NCOA1: variants seen among roughly 807,000 people sequenced by gnomAD.
NCOA1 encodes Hin-2 protein.
A neutral mutation model predicts 150.9 loss-of-function variants in NCOA1; 35 were observed. That is an observed-to-expected ratio of 0.23 (90% confidence interval 0.18 to 0.31). The LOEUF is 0.31. NCOA1 is among the 10% of genes least tolerant of loss of function. NCOA1 has a pLI of 1.00. For missense variants in NCOA1, 1,491 were observed against 1,749.3 expected (o/e 0.85, Z 2.63); for synonymous variants, 590 against 630.0 (o/e 0.94, Z 0.95).
chr2:24,765,174 C>CT (rs1268334838), intron 22 of NCOA1, among the ~76,000 whole-genome samples: 2 of 142,310 alleles, frequency 1.4e-5, no homozygotes, highest in African/African-American at 5.0e-5. Flanking sequence ...GATACTTCGA[C>CT]TCAAAAAAAA....
At chr2:24,582,109 C>T (rs775382648) in intron 2 of NCOA1, among the ~76,000 whole-genome samples, 4 of 152,040 alleles carry the variant, frequency 2.6e-5, no homozygotes, top group Admixed American at 2.6e-4. Context: ...TTAGCCAGAG[C>T]AAATAGGCAA....
intron 3 of NCOA1, among the ~76,000 whole-genome samples, chr2:24,613,205 T>C (rs2120002): frequency 0.42 from 64,269 of 151,968 alleles, 14,991 homozygotes; most frequent in Admixed American, 0.59. Context: ...GATTTTATAT[T>C]GGGCTGTAGG....
At chr2:24,517,333 A>T (rs1323187689) in intron 1 of NCOA1, among the ~76,000 whole-genome samples, 1 of 151,174 alleles carries the variant, frequency 6.6e-6, no homozygotes, top group Non-Finnish European at 1.5e-5. Flanking sequence ...TTCTGTTTGC[A>T]CACCACCACC....
chr2:24,510,541 C>T (rs983751893), intron 1 of NCOA1, among the ~76,000 whole-genome samples: 5 of 151,954 alleles, frequency 3.3e-5, no homozygotes, highest in African/African-American at 1.2e-4. Flanking sequence ...TGGGTTCTCC[C>T]TGTGTTGCCC....
At chr2:24,524,756 C>T (rs926393233) in intron 1 of NCOA1, among the ~76,000 whole-genome samples, 2 of 152,122 alleles carry the variant, frequency 1.3e-5, no homozygotes, top group African/African-American at 4.8e-5. Context: ...TACACGTACC[C>T]ACCACAATGC....
At chr2:24,716,135 C>G in intron 14 of NCOA1, among the ~76,000 whole-genome samples, 1 of 117,892 alleles carries the variant, frequency 8.5e-6, no homozygotes, top group Non-Finnish European at 1.7e-5. Context: ...CAGAGTGAGA[C>G]TCCGTCTCAA....
intron 3 of NCOA1, among the ~76,000 whole-genome samples, chr2:24,638,045 A>G (rs1670017557): frequency 6.6e-6 from 1 of 152,078 alleles, no homozygotes; most frequent in South Asian, 2.1e-4. Context: ...GTGGTATAGA[A>G]CACTAGGACT....
At chr2:24,679,459 TTCTGGCAGG>T (rs1297780559) in intron 7 of NCOA1, among the ~76,000 whole-genome samples, 1 of 152,206 alleles carries the variant, frequency 6.6e-6, no homozygotes, top group Non-Finnish European at 1.5e-5. Context: ...GAGGGTGGAA[TTCTGGCAGG>T]TCTTCCACTA....
intron 3 of NCOA1, among the ~76,000 whole-genome samples, chr2:24,615,705 C>T (rs1668844636): frequency 2.0e-5 from 3 of 152,114 alleles, no homozygotes; most frequent in Admixed American, 1.3e-4. Context: ...GTTAACTTAT[C>T]TATATAATCA....
chr2:24,586,756 C>T (rs1667429051), intron 3 of NCOA1, among the ~76,000 whole-genome samples: 1 of 152,232 alleles, frequency 6.6e-6, no homozygotes, highest in African/African-American at 2.4e-5. Context: ...GCCTGGCCAG[C>T]TTGCTATACT....
intron 1 of NCOA1, among the ~76,000 whole-genome samples, chr2:24,555,378 G>A (rs1666029589): frequency 6.6e-6 from 1 of 152,166 alleles, no homozygotes; most frequent in Non-Finnish European, 1.5e-5. Context: ...TTACGGGCCA[G>A]AATACGGTCC....
At chr2:24,593,775 T>C (rs1375320778) in intron 3 of NCOA1, among the ~76,000 whole-genome samples, 1 of 152,176 alleles carries the variant, frequency 6.6e-6, no homozygotes, top group Non-Finnish European at 1.5e-5. Flanking sequence ...CCTGTTGTCA[T>C]GCGTACAGGT....
At chr2:24,676,797 A>G (rs2148527169) in intron 7 of NCOA1, among the ~76,000 whole-genome samples, 1 of 152,332 alleles carries the variant, frequency 6.6e-6, no homozygotes, top group African/African-American at 2.4e-5. Flanking sequence ...CTGATCTGAT[A>G]AAACTGAAAA....
intron 3 of NCOA1, among the ~76,000 whole-genome samples, chr2:24,607,390 G>A (rs545571415): frequency 1.9e-4 from 28 of 146,912 alleles, no homozygotes; most frequent in Non-Finnish European, 3.0e-4. Context: ...TTGCATCTAT[G>A]ATCAAGAGTG....
chr2:24,519,199 A>T (rs1037698407), intron 1 of NCOA1, among the ~76,000 whole-genome samples: 4 of 152,248 alleles, frequency 2.6e-5, no homozygotes, highest in African/African-American at 9.6e-5. Context: ...ATGTATATGT[A>T]TACAATGAAA....
intron 7 of NCOA1, among the ~76,000 whole-genome samples, chr2:24,682,392 T>C (rs1672215238): frequency 6.6e-6 from 1 of 152,142 alleles, no homozygotes; most frequent in Non-Finnish European, 1.5e-5. Flanking sequence ...ATGTTTTAGA[T>C]TACAATATAC....
chr2:24,550,772 A>G (rs1441786238), intron 1 of NCOA1, among the ~76,000 whole-genome samples: 1 of 152,212 alleles, frequency 6.6e-6, no homozygotes, highest in East Asian at 1.9e-4. Context: ...TGTTTTGTAC[A>G]GTTTCCTTTT....
At chr2:24,615,199 T>C (rs375865393) in intron 3 of NCOA1, among the ~76,000 whole-genome samples, 2 of 152,334 alleles carry the variant, frequency 1.3e-5, no homozygotes, top group East Asian at 1.9e-4. Context: ...GGATAAATTA[T>C]GTATTTATGT....
intron 11 of NCOA1, among the ~76,000 whole-genome samples, chr2:24,704,675 A>T (rs970255134): frequency 1.6e-4 from 24 of 152,142 alleles, no homozygotes; most frequent in East Asian, 7.8e-4. Flanking sequence ...TGGAAGGCTG[A>T]GGCAGGAGAA....
Sources: allele counts gnomAD v4.1 joint callset (sites outside exome capture counted in the v4.1 genomes callset), GRCh38; gene constraint gnomAD v4.1.1; transcripts MANE v1.5; gene names NCBI Gene and HGNC (gene_info 2026-07-23, HGNC 2026-07-21).